Variants in HEMK2 observed in about 807,000 individuals in gnomAD.
HEMK2 encodes HemK methyltransferase 2, ETF1 glutamine and histone H4 lysine.
the HEMK2 span, among the ~76,000 whole-genome samples, chr21:28,796,969 T>A: frequency 6.6e-6 from 1 of 152,226 alleles, no homozygotes; most frequent in Non-Finnish European, 1.5e-5. Flanking sequence ...CTATTTTGTA[T>A]ATTTATATTT....
chr21:28,868,023 C>T, the HEMK2 span, among the ~76,000 whole-genome samples: 1 of 152,170 alleles, frequency 6.6e-6, no homozygotes, highest in Non-Finnish European at 1.5e-5. Flanking sequence ...ATCACTTATA[C>T]AGTACTATTC....
chr21:28,857,735 T>C, the HEMK2 span, among the ~76,000 whole-genome samples: 3 of 152,220 alleles, frequency 2.0e-5, no homozygotes, highest in Non-Finnish European at 4.4e-5. Flanking sequence ...ATAGATGTTC[T>C]GGGTCTTATT....
the HEMK2 span, among the ~76,000 whole-genome samples, chr21:28,620,454 T>G: frequency 6.9e-3 from 1,048 of 152,106 alleles, 15 homozygotes; most frequent in African/African-American, 0.024. Flanking sequence ...AACTTGTTAT[T>G]GGTCTATTCA....
chr21:28,831,730 GGAAGGAAA>G, the HEMK2 span, among the ~76,000 whole-genome samples: 6 of 31,330 alleles, frequency 1.9e-4, no homozygotes, highest in African/African-American at 6.1e-4. Context: ...AAGGAAGGAA[GGAAGGAAA>G]GAAAGAAAGA....
At chr21:28,883,545 G>GTTCTTT in the HEMK2 span, among the ~76,000 whole-genome samples, 1 of 151,906 alleles carries the variant, frequency 6.6e-6, no homozygotes, top group Non-Finnish European at 1.5e-5. Context: ...AGAATTAAAA[G>GTTCTTT]GTCCCCCAAT....
the HEMK2 span, among the ~76,000 whole-genome samples, chr21:28,641,580 A>G: frequency 4.6e-5 from 7 of 152,206 alleles, no homozygotes; most frequent in Non-Finnish European, 7.3e-5. Flanking sequence ...ATTTACCCCA[A>G]TCTTCTGGAT....
chr21:28,646,222 C>A, the HEMK2 span, among the ~76,000 whole-genome samples: 76 of 152,238 alleles, frequency 5.0e-4, no homozygotes, highest in African/African-American at 1.6e-3. Flanking sequence ...GAGGGAGGTG[C>A]TCCTTCCTCC....
the HEMK2 span, among the ~76,000 whole-genome samples, chr21:28,745,200 G>A: frequency 6.6e-6 from 1 of 152,130 alleles, no homozygotes; most frequent in East Asian, 1.9e-4. Context: ...TTACAAGATG[G>A]AAGCTTGTGG....
chr21:28,647,310 C>G, the HEMK2 span, among the ~76,000 whole-genome samples: 2 of 138,566 alleles, frequency 1.4e-5, no homozygotes, highest in Non-Finnish European at 3.1e-5. Flanking sequence ...ATGGTGAAAC[C>G]CCATCTCTAC....
the HEMK2 span, among the ~76,000 whole-genome samples, chr21:28,617,549 C>T: frequency 6.6e-6 from 1 of 152,206 alleles, no homozygotes; most frequent in African/African-American, 2.4e-5. Context: ...TCTCTCAGCT[C>T]TACAAAGCAT....
At chr21:28,611,065 CA>C in the HEMK2 span, among the ~76,000 whole-genome samples, 1 of 152,166 alleles carries the variant, frequency 6.6e-6, no homozygotes, top group South Asian at 2.1e-4. Context: ...CAGATATTTA[CA>C]GAACATTCTA....
chr21:28,604,047 G>T, the HEMK2 span, among the ~76,000 whole-genome samples: 7 of 152,194 alleles, frequency 4.6e-5, no homozygotes, highest in Admixed American at 3.9e-4. Context: ...GGATTCTGTG[G>T]CTGGAAGATC....
the HEMK2 span, among the ~76,000 whole-genome samples, chr21:28,834,205 T>C: frequency 6.6e-6 from 1 of 152,168 alleles, no homozygotes; most frequent in East Asian, 1.9e-4. Context: ...GTGCAAGGTC[T>C]TGCATTGTGA....
chr21:28,682,928 G>A, the HEMK2 span, among the ~76,000 whole-genome samples: 1 of 152,102 alleles, frequency 6.6e-6, no homozygotes, highest in African/African-American at 2.4e-5. Flanking sequence ...GATAGCATTA[G>A]GAGATATACC....
At chr21:28,577,534 C>G in the HEMK2 span, among the ~76,000 whole-genome samples, 1 of 152,078 alleles carries the variant, frequency 6.6e-6, no homozygotes, top group East Asian at 1.9e-4. Flanking sequence ...AAATGAAACA[C>G]CCTTGTTTTG....
chr21:28,690,504 G>A, the HEMK2 span, among the ~76,000 whole-genome samples: 49 of 152,242 alleles, frequency 3.2e-4, no homozygotes, highest in South Asian at 9.7e-3. Flanking sequence ...AAAATAAATT[G>A]TGGTTTTTTT....
At chr21:28,834,527 C>T in the HEMK2 span, among the ~76,000 whole-genome samples, 1 of 152,208 alleles carries the variant, frequency 6.6e-6, no homozygotes, top group Non-Finnish European at 1.5e-5. Flanking sequence ...CCTAGCAGGC[C>T]ATTCCTGCCT....
chr21:28,882,849 G>A, the HEMK2 span: 1 of 475,676 alleles, frequency 2.1e-6, no homozygotes, highest in Non-Finnish European at 3.6e-6. Context: ...AATTTTTAGG[G>A]AAGCATAGTT....
At chr21:28,578,440 A>C in the HEMK2 span, among the ~76,000 whole-genome samples, 18 of 152,350 alleles carry the variant, frequency 1.2e-4, no homozygotes, top group African/African-American at 4.1e-4. Flanking sequence ...GAAACAGGAC[A>C]GACGATATTG....
Sources: gnomAD v4.1 joint callset for allele counts (sites outside exome capture counted in the v4.1 genomes callset) on GRCh38, gnomAD v4.1.1 for gene constraint, MANE v1.5 for transcripts, NCBI Gene and HGNC (gene_info 2026-07-23, HGNC 2026-07-21) for gene names.